CDH13: variants seen among roughly 807,000 people sequenced by gnomAD.
The protein encoded by CDH13 is cadherin-13.
CDH13 carries 24 observed loss-of-function variants against 63.8 expected under a neutral mutation model. The observed-to-expected ratio is 0.38, with a 90% CI of 0.27 to 0.53. CDH13 has a LOEUF of 0.53. Among genes scored for constraint, CDH13 ranks in the 20% least tolerant of loss-of-function variants. The probability of loss-of-function intolerance (pLI) is 0.85; values close to 1 mark genes in which losing one functional copy is unlikely to be tolerated. For synonymous variants in CDH13, 503 were observed against 355.3 expected (o/e 1.42, Z -4.67); for missense variants, 1,049 against 903.1 (o/e 1.16, Z -2.07).
intron 2 of CDH13, among the ~76,000 whole-genome samples, chr16:82,945,568 C>G (rs564756248): frequency 1.3e-5 from 2 of 152,084 alleles, no homozygotes; most frequent in Admixed American, 6.6e-5. Flanking sequence ...TGGTGCATAT[C>G]AAGGATTTTG....
At chr16:83,058,761 T>C (rs1402049155) in intron 3 of CDH13, among the ~76,000 whole-genome samples, 2 of 152,232 alleles carry the variant, frequency 1.3e-5, no homozygotes, top group Admixed American at 1.3e-4. Context: ...GCATCTGGGA[T>C]GGTCTTAAAA....
At chr16:83,495,501 C>T (rs2074115037) in intron 7 of CDH13, among the ~76,000 whole-genome samples, 1 of 152,136 alleles carries the variant, frequency 6.6e-6, no homozygotes, top group Non-Finnish European at 1.5e-5. Context: ...TAAAAGGTAT[C>T]AGACTCTTAG....
chr16:83,349,008 C>G (rs1295490291), intron 6 of CDH13, among the ~76,000 whole-genome samples: 1 of 152,190 alleles, frequency 6.6e-6, no homozygotes, highest in Non-Finnish European at 1.5e-5. Flanking sequence ...CGAATGCCCT[C>G]GGCACCAATC....
At chr16:83,511,214 C>T (rs1013900673) in intron 7 of CDH13, among the ~76,000 whole-genome samples, 15 of 152,232 alleles carry the variant, frequency 9.9e-5, no homozygotes, top group Admixed American at 2.6e-4. Flanking sequence ...GTGATCCCAA[C>T]ACTTTGGGAG....
chr16:82,887,352 G>T (rs1341540477), intron 2 of CDH13, among the ~76,000 whole-genome samples: 2 of 152,142 alleles, frequency 1.3e-5, no homozygotes, highest in African/African-American at 4.8e-5. Flanking sequence ...TGGTGTGGGA[G>T]GAATAGGCAT....
chr16:82,912,054 C>T (rs540106589), intron 2 of CDH13, among the ~76,000 whole-genome samples: 1 of 152,176 alleles, frequency 6.6e-6, no homozygotes, highest in South Asian at 2.1e-4. Context: ...GGCTCTAATT[C>T]CACGGCCGCC....
intron 1 of CDH13, among the ~76,000 whole-genome samples, chr16:82,782,861 C>G (rs188981422): frequency 3.2e-4 from 48 of 152,272 alleles, no homozygotes; most frequent in African/African-American, 1.1e-3. Context: ...GCGCAGGGGC[C>G]TGGGCGAGGT....
rs948788017 is a variant in CDH13 at position 82,649,493 on chromosome 16, G to C, written c.45+22356G>C. ...GCACTAGATTCAACAAAAAGAACCA[G>C]TCACTGGTCCTCTTTGAGAAGGTCC... On this transcript the variant is annotated intron_variant, in intron 1 of 13. Coordinates refer to ENST00000567109, the MANE Select transcript of CDH13 (RefSeq NM_001257.5). 2.0e-5 allele frequency among the ~76,000 whole-genome samples: 3 copies of C among 152,220 alleles called. No individual in the cohort carries two copies. In the East Asian group the frequency reaches 5.8e-4, roughly 29 times the overall value.
intron 1 of CDH13, among the ~76,000 whole-genome samples, chr16:82,852,395 G>A (rs2039527318): frequency 6.6e-6 from 1 of 152,186 alleles, no homozygotes; most frequent in Non-Finnish European, 1.5e-5. Flanking sequence ...TGCAATGACT[G>A]ATTCTGGGCT....
In CDH13 at chr16:83,725,420, C is replaced by G. The variant is rs183263320; in HGVS notation, c.1539-22688C>G. The G allele has an allele frequency of 1.4e-3, 220 of 152,472 alleles. 1 individual carries two copies. The highest frequency in any genetic ancestry group is 5.1e-3 in the African/African-American group (212 of 41,568). The allele number at this position is 152,472 out of a possible 1,614,324, so 9.4% of individuals were successfully genotyped here. ...AGTGGTACCTCTGTCTCCACCTCCT[C>G]CAGGCCTACACAGTTTGTGACTGAC... On this transcript the variant is annotated intron_variant, in intron 10 of 13. Transcript: ENST00000567109.
chr16:82,876,002 C>A (rs1015664378), intron 2 of CDH13, among the ~76,000 whole-genome samples: 5 of 152,108 alleles, frequency 3.3e-5, no homozygotes, highest in Non-Finnish European at 7.4e-5. Context: ...TGGATGGTGG[C>A]AAAAAGAGAA....
chr16:82,845,702 G>T (rs1014892609), intron 1 of CDH13, among the ~76,000 whole-genome samples: 2 of 151,944 alleles, frequency 1.3e-5, no homozygotes, highest in African/African-American at 4.8e-5. Flanking sequence ...CCTCATATAG[G>T]GGCTCCTTTG....
At chr16:83,462,257 A>C (rs2073200866) in intron 6 of CDH13, among the ~76,000 whole-genome samples, 1 of 152,222 alleles carries the variant, frequency 6.6e-6, no homozygotes, top group Admixed American at 6.5e-5. Flanking sequence ...AAAGGGAAGC[A>C]ATGCTGTGGC....
At chr16:83,465,520 T>G (rs1473807236) in intron 6 of CDH13, among the ~76,000 whole-genome samples, 2 of 152,130 alleles carry the variant, frequency 1.3e-5, no homozygotes, top group Non-Finnish European at 2.9e-5. Flanking sequence ...AAGATGGAAA[T>G]TTTCACAAGG....
intron 2 of CDH13, chr16:82,990,390 C>G (rs1321784920): frequency 6.6e-6 from 1 of 152,200 alleles, no homozygotes; most frequent in Admixed American, 6.5e-5. Flanking sequence ...ACCAATCTCT[C>G]CCATCTTTCT....
At chr16:83,239,872 A>C (rs1904305227) in intron 5 of CDH13, among the ~76,000 whole-genome samples, 1 of 152,176 alleles carries the variant, frequency 6.6e-6, no homozygotes, top group Admixed American at 6.5e-5. Flanking sequence ...TGTGGGGGGC[A>C]GGGGAGCTGG....
chr16:83,414,596 C>A (rs963471779), intron 6 of CDH13, among the ~76,000 whole-genome samples: 2 of 152,124 alleles, frequency 1.3e-5, no homozygotes, highest in Non-Finnish European at 2.9e-5. Flanking sequence ...TAGACCCTGA[C>A]AGACACCAAT....
intron 4 of CDH13, among the ~76,000 whole-genome samples, chr16:83,157,470 T>G (rs1597436013): frequency 6.6e-6 from 1 of 152,224 alleles, no homozygotes; most frequent in South Asian, 2.1e-4. Flanking sequence ...AGTTATATTT[T>G]AATTGCCTTT....
intron 13 of CDH13, among the ~76,000 whole-genome samples, chr16:83,784,108 G>A (rs553152354): frequency 3.4e-4 from 51 of 152,192 alleles, no homozygotes; most frequent in Non-Finnish European, 5.9e-4. Context: ...AACTTTAGCC[G>A]TTATTCATAT....
Sources: allele counts gnomAD v4.1 joint callset (sites outside exome capture counted in the v4.1 genomes callset), GRCh38; gene constraint gnomAD v4.1.1; transcripts MANE v1.5; gene names NCBI Gene and HGNC (gene_info 2026-07-23, HGNC 2026-07-21).